Variants in DHX36 observed in about 807,000 individuals in gnomAD.
DHX36 encodes the protein ATP-dependent DNA/RNA helicase DHX36.
A neutral mutation model predicts 139.0 loss-of-function variants in DHX36; 50 were observed. The observed-to-expected ratio is 0.36, with a 90% CI of 0.29 to 0.46. The LOEUF is 0.46. Ranked by LOEUF, DHX36 falls within the 20% of genes least tolerant of loss-of-function variation. DHX36 has a pLI of 1.00. For synonymous variants in DHX36, 425 were observed against 401.9 expected (o/e 1.06, Z -0.69); for missense variants, 1,024 against 1,211.3 (o/e 0.85, Z 2.29).
rs1425620958 is a variant in DHX36, at chr3:154,276,131, G to C, written c.*40C>G. 6.4e-7 allele frequency: 1 copy of C among 1,573,362 alleles called. No homozygotes were observed. On this transcript the variant is annotated 3_prime_UTR_variant, in exon 25 of 25. Coordinates refer to ENST00000496811, the MANE Select transcript of DHX36 (RefSeq NM_020865.3). ...CAAAATTTAAACAATGATGAAGAAT[G>C]GCTGTCAAACTGGCTTTTCAGACCA...
Position 154,300,707 on chromosome 3 carries a change from T to TAA in DHX36, c.1359-13_1359-12dup, listed in dbSNP as rs1712235946. The TAA allele has an allele frequency of 3.1e-6, 5 of 1,589,536 alleles. No homozygotes were observed. The East Asian group carries it at 1.1e-4, about 36-fold the overall frequency. On this transcript the variant is annotated splice_polypyrimidine_tract_variant and intron_variant, in intron 10 of 24. Transcript: ENST00000496811. ...GTACTTGCAGAATACCTATCAAAGT[T>TAA]AAACACAAAGTCATGAAATACTTAA...
intron 5 of DHX36, among the ~76,000 whole-genome samples, 176 bp downstream of exon 5, chr3:154,309,475 TAA>T (rs1429002232): frequency 5.9e-5 from 9 of 152,198 alleles, no homozygotes; most frequent in Non-Finnish European, 1.2e-4. Flanking sequence ...TATTATCTGT[TAA>T]GAGAGAGGTT....
chr3:154,286,976 G>A (rs560980735), intron 17 of DHX36, among the ~76,000 whole-genome samples: 1 of 152,188 alleles, frequency 6.6e-6, no homozygotes, highest in Non-Finnish European at 1.5e-5. Flanking sequence ...ATGAAAGGGA[G>A]TGATTTGTTC....
chr3:154,280,548 C>A, intron 22 of DHX36, 31 bp downstream of exon 22: 3 of 1,467,252 alleles, frequency 2.0e-6, no homozygotes, highest in Non-Finnish European at 2.8e-6. Context: ...AAGAGAATTA[C>A]GAGTAATTAA....
intron 12 of DHX36, among the ~76,000 whole-genome samples, chr3:154,297,174 A>G (rs2108348513): frequency 6.6e-6 from 1 of 152,306 alleles, no homozygotes; most frequent in South Asian, 2.1e-4. Context: ...GACACTTTCT[A>G]TAGTTTGAAC....
At position 154,304,864 on chromosome 3, in the gene DHX36, G is replaced by A. The variant is rs1322573086; in HGVS notation, c.1077C>T (p.Asp359=). 6.2e-7 allele frequency: 1 copy of A among 1,608,780 alleles called. No individual in the cohort carries two copies. Residue 359 remains aspartate (D), a synonymous_variant, in exon 8 of 25, where the codon GAC becomes GAT. Transcript: ENST00000496811. ...VVKDLLNFRS[D]LKVILMSATL... is the part of the protein sequence containing the mutation. ...TTGCACTCATCAATATTACTTTCAA[G>A]TCAGATCGAAAATTGAGAAGGTCTT...
chr3:154,284,609 G>C lies in DHX36; in HGVS notation c.2266C>G (p.His756Asp), dbSNP rs1472720050. Reference sequence around the variant, plus strand: ...TCAAACGCATTCACAACTGTTAAGTGATCACTTCTAGTATCCTTTGCCAAT... The same window carrying C: ...TCAAACGCATTCACAACTGTTAAGTCATCACTTCTAGTATCCTTTGCCAAT... ...KELAKDTRSDHLTVVNAFEGW... is the reference protein window; with the variant it reads ...KELAKDTRSDDLTVVNAFEGW... Residue 756 changes from histidine to aspartate, a missense_variant, in exon 19 of 25, where the codon CAC becomes GAC. Physicochemically the swap from His to Asp is moderately conservative, Grantham distance 81. Transcript: ENST00000496811. 1 of 1,609,850 alleles carries C rather than the reference G, an allele frequency of 6.2e-7. No individual in the cohort carries two copies. The highest frequency in any genetic ancestry group is 8.5e-7 in the Non-Finnish European group (1 of 1,178,640).
rs1340514643 is a variant in DHX36, at chr3:154,280,868, G to C, written c.2377-6C>G. 3 of 1,608,052 alleles carry C rather than the reference G, an allele frequency of 1.9e-6. No individual in the cohort carries two copies. The Admixed American group carries it at 5.0e-5, about 27-fold the overall frequency. On this transcript the variant is annotated splice_polypyrimidine_tract_variant and splice_region_variant and intron_variant, in intron 20 of 24. Coordinates refer to ENST00000496811, the MANE Select transcript of DHX36 (RefSeq NM_020865.3). ...CCTTTCATGTTATGCAGCATCTAGG[G>C]AGCAATGGTAACAAATAGAACTAGA...
chr3:154,286,878 C>T (rs1003502041), intron 17 of DHX36, among the ~76,000 whole-genome samples: 1 of 151,904 alleles, frequency 6.6e-6, no homozygotes, highest in East Asian at 1.9e-4. Context: ...TGCAGTGGTG[C>T]AAGCACAGCT....
intron 5 of DHX36, among the ~76,000 whole-genome samples, chr3:154,307,964 G>A (rs1249434618): frequency 2.0e-5 from 3 of 151,970 alleles, no homozygotes; most frequent in East Asian, 1.9e-4. Flanking sequence ...AAATCATGTC[G>A]AAATAGACAC....
At chr3:154,309,974 T>C (rs1712668318) in intron 4 of DHX36, 151 bp from the exon 5 acceptor site, 2 of 585,090 alleles carry the variant, frequency 3.4e-6, no homozygotes. Flanking sequence ...GCAGTTTGGA[T>C]ATCTGGATCT....
chr3:154,277,024 A>C (rs1268779196), intron 23 of DHX36, 125 bp from the exon 24 acceptor site: 1 of 783,650 alleles, frequency 1.3e-6, no homozygotes. Context: ...CTTCTATTGT[A>C]ATTACAGAGA....
chr3:154,309,923 A>C (rs1712666568), intron 4 of DHX36, 100 bp from the exon 5 acceptor site: 2 of 950,658 alleles, frequency 2.1e-6, no homozygotes, highest in Non-Finnish European at 3.1e-6. Flanking sequence ...ATTTTTAACA[A>C]ACATATTAAT....
Position 154,283,853 on chromosome 3 carries a change from A to C in DHX36, c.2293-582T>G, listed in dbSNP as rs1719415728. 2.0e-5 allele frequency among the ~76,000 whole-genome samples: 3 copies of C among 152,162 alleles called. No homozygotes were observed. In the South Asian group the frequency reaches 6.2e-4, roughly 31 times the overall value. On this transcript the variant is annotated intron_variant, in intron 19 of 24. Transcript: ENST00000496811. The stretch of plus-strand genomic sequence containing the variant: ...CCCTCAGATACACGTGGCTTTTGGG[A>C]GCAGAAAATGTCTCTTTAATCTGAA...
chr3:154,305,685 T>C (rs1262394431), intron 6 of DHX36, among the ~76,000 whole-genome samples: 1 of 152,188 alleles, frequency 6.6e-6, no homozygotes, highest in Non-Finnish European at 1.5e-5. Flanking sequence ...GAGGACTGCT[T>C]GAGCACAGGA....
chr3:154,320,517 C>T (rs1398038717), intron 1 of DHX36, among the ~76,000 whole-genome samples: 3 of 152,108 alleles, frequency 2.0e-5, no homozygotes, highest in Non-Finnish European at 4.4e-5. Context: ...CTGTCAAATA[C>T]TTATCTCCAG....
In DHX36 at chr3:154,311,863, G is replaced by A. The variant is rs568034894; in HGVS notation, c.604-189C>T. Reference sequence around the variant, plus strand: ...TTTATGTCTGAAACATTCAAAACCAGAACTCCATTACATCCAGCAAAATAG... The same window carrying A: ...TTTATGTCTGAAACATTCAAAACCAAAACTCCATTACATCCAGCAAAATAG... On this transcript the variant is annotated intron_variant, in intron 3 of 24. Coordinates refer to ENST00000496811, the MANE Select transcript of DHX36 (RefSeq NM_020865.3). 6.8e-4 allele frequency: 320 copies of A among 468,408 alleles called. 1 individual carries two copies. Among genetic ancestry groups the A allele is most frequent in the Non-Finnish European group, 8.8e-4 (239 of 271,028 alleles). The allele number at this position is 468,408 out of a possible 1,614,324, so 29.0% of individuals were successfully genotyped here.
At position 154,311,688 on chromosome 3, in the gene DHX36, A is replaced by G. The variant is rs1223737305; in HGVS notation, c.604-14T>C. 1 of 1,591,620 alleles carries G rather than the reference A, an allele frequency of 6.3e-7. No individual in the cohort carries two copies. The highest frequency in any genetic ancestry group is 1.4e-5 in the African/African-American group (1 of 73,362). Reference sequence around the variant, plus strand: ...TTCTCTGAAATGCTGAAATTTAAAAAAAGTTTTAAATTTTCACAGAAGATA... The same window carrying G: ...TTCTCTGAAATGCTGAAATTTAAAAGAAGTTTTAAATTTTCACAGAAGATA... On this transcript the variant is annotated splice_polypyrimidine_tract_variant and intron_variant, in intron 3 of 24. Transcript: ENST00000496811.
At chr3:154,307,808 A>T (rs1055958401) in intron 5 of DHX36, among the ~76,000 whole-genome samples, 6 of 152,008 alleles carry the variant, frequency 3.9e-5, no homozygotes, top group Non-Finnish European at 8.8e-5. Context: ...AAAAAAAAAA[A>T]AATACTTGTC....
Sources: allele counts gnomAD v4.1 joint callset (sites outside exome capture counted in the v4.1 genomes callset), GRCh38; gene constraint gnomAD v4.1.1; transcripts MANE v1.5; gene names NCBI Gene and HGNC (gene_info 2026-07-23, HGNC 2026-07-21).